The following MIER1 variants were observed in gnomAD, a reference collection of about 807,000 sequenced individuals.
MIER1 encodes MIER1 transcriptional regulator, also known as mesoderm induction early response protein 1.
Under a neutral mutation model 75.7 loss-of-function variants are expected in MIER1, and 40 were observed. The ratio of observed to expected loss-of-function variants is 0.53; its 90% CI spans 0.41 to 0.69. The LOEUF is 0.69. MIER1 is among the 30% of genes least tolerant of loss of function. The pLI, the probability that MIER1 is intolerant of heterozygous loss-of-function variation, is 0.00. For missense variants in MIER1, 574 were observed against 680.2 expected (o/e 0.84, Z 1.74); for synonymous variants, 213 against 223.4 (o/e 0.95, Z 0.42).
chr1:66,958,772 A>G, intron 5 of MIER1, 79 bp from the exon 6 acceptor site: 1 of 1,253,940 alleles, frequency 8.0e-7, no homozygotes. Flanking sequence ...ATATATTAGA[A>G]CAAAATTTAT....
intron 11 of MIER1, among the ~76,000 whole-genome samples, chr1:66,976,292 G>A (rs1010903648): frequency 2.6e-5 from 4 of 152,044 alleles, no homozygotes; most frequent in Non-Finnish European, 4.4e-5. Context: ...GTGAGCCACC[G>A]TGCCCGGCCA....
At chr1:66,974,728 C>T (rs1664358503) in intron 11 of MIER1, among the ~76,000 whole-genome samples, 1 of 152,046 alleles carries the variant, frequency 6.6e-6, no homozygotes, top group Non-Finnish European at 1.5e-5. Flanking sequence ...ACATAATACA[C>T]TAAATTACTC....
rs183148646 is a variant in MIER1, at chr1:66,942,771, G to A, written c.193+2719G>A. ...AGAAAAAAGCGTAGTGTGCATGTAG[G>A]GAAAGAAATTGGAGTGAGACAGGAA... On this transcript the variant is annotated intron_variant, in intron 3 of 13. Transcript: ENST00000401041. Among the ~76,000 whole-genome samples the A allele has an allele frequency of 4.5e-3, 683 of 152,210 alleles. 7 individuals are homozygous for A. The highest frequency in any genetic ancestry group is 0.015 in the African/African-American group (635 of 41,532).
At chr1:66,964,056 A>T (rs1661813330) in intron 8 of MIER1, among the ~76,000 whole-genome samples, 1 of 151,888 alleles carries the variant, frequency 6.6e-6, no homozygotes, top group South Asian at 2.1e-4. Flanking sequence ...ACTTCCAATA[A>T]CATACAATAC....
At chr1:66,953,832 G>T (rs530160484) in intron 4 of MIER1, among the ~76,000 whole-genome samples, 1 of 151,966 alleles carries the variant, frequency 6.6e-6, no homozygotes, top group African/African-American at 2.4e-5. Context: ...TTGAACTCCT[G>T]ATCTCAAGTG....
Position 66,985,831 on chromosome 1 carries a change from TTTTTTTA to T in MIER1, c.*932_*938del. 1 of 848,096 alleles carries T rather than the reference TTTTTTTA, an allele frequency of 1.2e-6. No individual in the cohort carries two copies. Among genetic ancestry groups the T allele is most frequent in the Non-Finnish European group, 1.4e-6 (1 of 706,184 alleles). 52.5% of individuals were successfully genotyped at this position (848,096 alleles called of 1,614,324 possible). On this transcript the variant is annotated 3_prime_UTR_variant, in exon 14 of 14. Transcript: ENST00000401041. ...ATTATAAAATTTTTTTTTTTTTTTT[TTTTTTTA>T]AATTTCTACTTAAGGGCAAGTAATT...
intron 7 of MIER1, 83 bp from the exon 8 acceptor site, chr1:66,963,005 G>C: frequency 1.1e-6 from 1 of 937,888 alleles, no homozygotes; most frequent in Non-Finnish European, 1.7e-6. Flanking sequence ...ACCAGGAACA[G>C]TTTACTAAGA....
intron 8 of MIER1, among the ~76,000 whole-genome samples, chr1:66,966,866 CTT>C (rs575658177): frequency 2.6e-5 from 4 of 152,084 alleles, no homozygotes; most frequent in Non-Finnish European, 5.9e-5. Flanking sequence ...GATTATTAGA[CTT>C]TTTTCAATAG....
In MIER1 at chr1:66,987,716, G is replaced by A. The variant is rs1666953665; in HGVS notation, c.*2816G>A. The A allele has an allele frequency of 7.0e-6, 1 of 143,756 alleles. No individual in the cohort carries two copies. The allele number at this position is 143,756 out of a possible 1,614,324, so 8.9% of individuals were successfully genotyped here. A position where few individuals can be genotyped will look rare whatever the true frequency, so the allele number is the denominator to read the frequency against. ...TATTTTCATTAGATTAATTCACTAAGATTTTATTAGAGATTGTTTGAATGA... is the reference window on the plus strand; with the variant it reads ...TATTTTCATTAGATTAATTCACTAAAATTTTATTAGAGATTGTTTGAATGA... On this transcript the variant is annotated 3_prime_UTR_variant, in exon 14 of 14. Coordinates refer to ENST00000401041, the MANE Select transcript of MIER1 (RefSeq NM_001077700.3).
At chr1:66,950,627 A>G (rs570547012) in intron 4 of MIER1, among the ~76,000 whole-genome samples, 1 of 152,326 alleles carries the variant, frequency 6.6e-6, no homozygotes, top group South Asian at 2.1e-4. Flanking sequence ...AAAGTGCTAG[A>G]TGTGTTCCAT....
In MIER1 at chr1:66,986,160, C is replaced by T; in HGVS notation, c.*1260C>T. Reference sequence around the variant, plus strand: ...AAGTGAAGTTTGAAAACTTTTCAAACTTTTCTAGTTACAATCCAATTTTTC... The same window carrying T: ...AAGTGAAGTTTGAAAACTTTTCAAATTTTTCTAGTTACAATCCAATTTTTC... On this transcript the variant is annotated 3_prime_UTR_variant, in exon 14 of 14. Coordinates refer to ENST00000401041, the MANE Select transcript of MIER1 (RefSeq NM_001077700.3). 3 of 1,192,010 alleles carry T rather than the reference C, an allele frequency of 2.5e-6. No individual in the cohort carries two copies. The highest frequency in any genetic ancestry group is 3.1e-6 in the Non-Finnish European group (3 of 963,094). 73.8% of individuals were successfully genotyped at this position (1,192,010 alleles called of 1,614,324 possible). A position where few individuals can be genotyped will look rare whatever the true frequency, so the allele number is the denominator to read the frequency against.
intron 4 of MIER1, among the ~76,000 whole-genome samples, chr1:66,957,745 G>A (rs1570348153): frequency 2.0e-5 from 3 of 151,932 alleles, no homozygotes; most frequent in South Asian, 2.1e-4. Context: ...CATGCATAGC[G>A]TTAACTGTCA....
intron 9 of MIER1, among the ~76,000 whole-genome samples, chr1:66,971,215 T>C (rs1222403076): frequency 1.3e-5 from 2 of 152,128 alleles, no homozygotes; most frequent in African/African-American, 4.8e-5. Context: ...CCTTTGGCTA[T>C]CCCTAAGAAT....
At position 66,986,687 on chromosome 1, in the gene MIER1, T is replaced by C. The variant is rs1333147919; in HGVS notation, c.*1787T>C. On this transcript the variant is annotated 3_prime_UTR_variant, in exon 14 of 14. Coordinates refer to ENST00000401041, the MANE Select transcript of MIER1 (RefSeq NM_001077700.3). ...TGACTTCATCTTAATGTACATTCAC[T>C]GTTGTTACATACATATCTAAGTAAA... 5 of 486,006 alleles carry C rather than the reference T, an allele frequency of 1.0e-5. No homozygotes were observed. Among genetic ancestry groups the C allele is most frequent in the Non-Finnish European group, 1.8e-5 (5 of 273,500 alleles). The allele number at this position is 486,006 out of a possible 1,614,324, so 30.1% of individuals were successfully genotyped here. A position where few individuals can be genotyped will look rare whatever the true frequency, so the allele number is the denominator to read the frequency against.
At position 66,985,381 on chromosome 1, in the gene MIER1, G is replaced by C. The variant is rs1666649480; in HGVS notation, c.*481G>C. ...AAACAGACATTTTTCTCACCAAACAGTTTGAGTATCTTTATTAAGGAAACC... is the reference window on the plus strand; with the variant it reads ...AAACAGACATTTTTCTCACCAAACACTTTGAGTATCTTTATTAAGGAAACC... On this transcript the variant is annotated 3_prime_UTR_variant, in exon 14 of 14. Transcript: ENST00000401041. 1 of 984,482 alleles carries C rather than the reference G, an allele frequency of 1.0e-6. No homozygotes were observed. Among genetic ancestry groups the C allele is most frequent in the East Asian group, 1.1e-4 (1 of 8,958 alleles). 61.0% of individuals were successfully genotyped at this position (984,482 alleles called of 1,614,324 possible).
chr1:66,975,990 T>TTTTC (rs1553256042), intron 11 of MIER1, among the ~76,000 whole-genome samples: 1 of 151,640 alleles, frequency 6.6e-6, no homozygotes, highest in African/African-American at 2.4e-5. Context: ...GGCCTTTTTT[T>TTTTC]TGTGTGTGTG....
intron 3 of MIER1, among the ~76,000 whole-genome samples, chr1:66,945,291 ATATATATATATATATATATATATAT>A (rs1558041905): frequency 0.023 from 377 of 16,106 alleles, 3 homozygotes; most frequent in African/African-American, 0.04. Context: ...ATATATATAT[ATATATATATATATATATATATATAT>A]AAAATACCTA....
At chr1:66,972,255 TATATATA>T in intron 10 of MIER1, among the ~76,000 whole-genome samples, 1 of 110,826 alleles carries the variant, frequency 9.0e-6, no homozygotes. Flanking sequence ...TATATATATA[TATATATA>T]GATATGTAAC....
rs1663860890 is a variant in MIER1, at chr1:66,972,283, T to G, written c.1006+547T>G. 2.1e-5 allele frequency among the ~76,000 whole-genome samples: 3 copies of G among 145,976 alleles called. No homozygotes were observed. The South Asian group carries it at 6.4e-4, about 31-fold the overall frequency. On this transcript the variant is annotated intron_variant, in intron 10 of 13. Transcript: ENST00000401041. ...ATATAGATATGTAACAAATGAGAGA[T>G]ATTTATTTAACAAAAATTTGAGTGC... is the stretch of plus-strand genomic sequence containing the variant.
Sources: gnomAD v4.1 joint callset for allele counts (sites outside exome capture counted in the v4.1 genomes callset) on GRCh38, gnomAD v4.1.1 for gene constraint, MANE v1.5 for transcripts, NCBI Gene and HGNC (gene_info 2026-07-23, HGNC 2026-07-21) for gene names.